The following SLCO2B1 variants were observed in gnomAD, a reference collection of about 807,000 sequenced individuals.
The protein encoded by SLCO2B1 is solute carrier organic anion transporter family member 2B1, also known as OATP-RP2.
SLCO2B1 carries 41 observed loss-of-function variants against 67.3 expected under a neutral mutation model. The observed-to-expected ratio is 0.61, with a 90% CI of 0.47 to 0.79. The LOEUF is 0.79. SLCO2B1 is among the 30% of genes least tolerant of loss of function. The pLI, the probability that SLCO2B1 is intolerant of heterozygous loss-of-function variation, is 0.00. For missense variants in SLCO2B1, 837 were observed against 920.1 expected (o/e 0.91, Z 1.17); for synonymous variants, 379 against 381.4 (o/e 0.99, Z 0.07).
intron 1 of SLCO2B1, among the ~76,000 whole-genome samples, chr11:75,156,705 T>G (rs1374476469): frequency 6.6e-6 from 1 of 152,208 alleles, no homozygotes; most frequent in Non-Finnish European, 1.5e-5. Context: ...AATAAAAGAA[T>G]GGCTACTCCA....
At chr11:75,180,562 G>A (rs1950080787) in intron 7 of SLCO2B1, among the ~76,000 whole-genome samples, 1 of 151,932 alleles carries the variant, frequency 6.6e-6, no homozygotes, top group South Asian at 2.1e-4. Flanking sequence ...ATATTATATG[G>A]TATCTATACA....
At chr11:75,162,140 A>G (rs1949828286) in intron 1 of SLCO2B1, among the ~76,000 whole-genome samples, 1 of 152,020 alleles carries the variant, frequency 6.6e-6, no homozygotes, top group African/African-American at 2.4e-5. Flanking sequence ...ATCTACTCCA[A>G]TACACCCCAG....
chr11:75,163,994 T>C lies in SLCO2B1; in HGVS notation c.179T>C (p.Leu60Pro). ...LFVLCHSLLQ[L>P]AQLMISGYLK... ...GTTCTGTGCCACAGCCTGCTGCAGCTGGCGCAGCTCATGATCTCCGGCTAC... is the reference window on the plus strand; with the variant it reads ...GTTCTGTGCCACAGCCTGCTGCAGCCGGCGCAGCTCATGATCTCCGGCTAC... The change falls in exon 3 of 14, where the codon CTG becomes CCG. Residue 60 changes from leucine (L) to proline (P), a missense_variant. By Grantham distance (98) the Leu-to-Pro change is moderately conservative (BLOSUM62 -3). Transcript: ENST00000289575. 6.2e-7 allele frequency: 1 copy of C among 1,604,552 alleles called. No individual in the cohort carries two copies. Among genetic ancestry groups the C allele is most frequent in the Admixed American group, 1.7e-5 (1 of 58,940 alleles).
intron 11 of SLCO2B1, chr11:75,200,844 A>G (rs544471733): frequency 6.5e-6 from 1 of 153,448 alleles, no homozygotes; most frequent in African/African-American, 2.4e-5. Flanking sequence ...ACAAGTGCTT[A>G]TTAGGTGCCC....
intron 8 of SLCO2B1, among the ~76,000 whole-genome samples, chr11:75,190,697 A>G (rs1333936901): frequency 2.0e-5 from 3 of 152,162 alleles, no homozygotes; most frequent in African/African-American, 7.2e-5. Context: ...CCTTGAGTTA[A>G]GGGAAGCCCC....
At chr11:75,183,115 A>T (rs1373251787) in intron 7 of SLCO2B1, among the ~76,000 whole-genome samples, 3 of 152,228 alleles carry the variant, frequency 2.0e-5, no homozygotes, top group East Asian at 1.9e-4. Context: ...TGTAATTCTA[A>T]TTTTTTTTGT....
At position 75,179,041 on chromosome 11, in the gene SLCO2B1, A is replaced by G. The variant is rs376732006; in HGVS notation, c.972+6472A>G. 2.5e-4 allele frequency among the ~76,000 whole-genome samples: 38 copies of G among 152,238 alleles called. No homozygotes were observed. The South Asian group carries it at 6.4e-3, about 26-fold the overall frequency. On this transcript the variant is annotated intron_variant, in intron 7 of 13. Coordinates refer to ENST00000289575, the MANE Select transcript of SLCO2B1 (RefSeq NM_007256.5). ...TGATGGACTCTTTGGTTGAATCCGT[A>G]TCTTGGCTACTGTGAATGGTGCTGC... is the stretch of plus-strand genomic sequence containing the variant.
chr11:75,162,725 T>C lies in SLCO2B1; in HGVS notation c.87T>C (p.Pro29=). 3 of 1,613,944 alleles carry C rather than the reference T, an allele frequency of 1.9e-6. No homozygotes were observed. The highest frequency in any genetic ancestry group is 2.5e-6 in the Non-Finnish European group (3 of 1,179,898). The change falls in exon 2 of 14, where the codon CCT becomes CCC. Residue 29 remains proline (P), a synonymous_variant. Transcript: ENST00000289575. ...CCACAATGGGCACAGAAAACACACC[T>C]GGAGGCAAAGCCAGCCCAGACCCTC... is the stretch of plus-strand genomic sequence containing the variant. ...TKATMGTENT[P]GGKASPDPQD... is the part of the protein sequence containing the mutation.
intron 1 of SLCO2B1, among the ~76,000 whole-genome samples, chr11:75,159,311 C>T (rs1164831861): frequency 1.3e-5 from 2 of 152,220 alleles, no homozygotes; most frequent in Non-Finnish European, 2.9e-5. Flanking sequence ...ACCTGGGACC[C>T]CAAAACTTAG....
At chr11:75,187,422 C>T (rs776317151) in intron 7 of SLCO2B1, among the ~76,000 whole-genome samples, 10 of 152,176 alleles carry the variant, frequency 6.6e-5, no homozygotes, top group Non-Finnish European at 1.2e-4. Context: ...CCTCTGGGTG[C>T]GGCCTGATTC....
Sources: allele counts gnomAD v4.1 joint callset (sites outside exome capture counted in the v4.1 genomes callset), GRCh38; gene constraint gnomAD v4.1.1; transcripts MANE v1.5; gene names NCBI Gene and HGNC (gene_info 2026-07-23, HGNC 2026-07-21).